The following TAF4B variants were observed in gnomAD, a reference collection of about 807,000 sequenced individuals.
TAF4B encodes TATA-box binding protein associated factor 4b, also known as transcription initiation factor TFIID subunit 4B.
TAF4B carries 38 observed loss-of-function variants against 86.4 expected under a neutral mutation model. That is an observed-to-expected ratio of 0.44 (90% confidence interval 0.34 to 0.58). The LOEUF (loss-of-function observed/expected upper bound fraction) is 0.58. TAF4B is among the 20% of genes least tolerant of loss of function. TAF4B has a pLI of 0.02. For synonymous variants in TAF4B, 388 were observed against 391.2 expected, an observed-to-expected ratio of 0.99 and a Z score of 0.10; for missense variants, 988 against 1,027.6, an observed-to-expected ratio of 0.96 and a Z score of 0.53.
At chr18:26,309,514 T>C (rs1021973831) in intron 9 of TAF4B, among the ~76,000 whole-genome samples, 1 of 151,990 alleles carries the variant, frequency 6.6e-6, no homozygotes, top group Non-Finnish European at 1.5e-5. Context: ...GAGTAACAGA[T>C]CCCATTCAAA....
intron 1 of TAF4B, chr18:26,255,603 C>CACAAAAAAAA (rs2056070892): frequency 2.7e-6 from 1 of 369,942 alleles, no homozygotes. Context: ...ACTCTGTCTC[C>CACAAAAAAAA]AAAAAAAAAA....
At chr18:26,374,545 C>CAGGT (rs2057429725) in intron 14 of TAF4B, among the ~76,000 whole-genome samples, 1 of 152,178 alleles carries the variant, frequency 6.6e-6, no homozygotes, top group African/African-American at 2.4e-5. Flanking sequence ...AAGTATCAGT[C>CAGGT]AGGTCTTAGA....
chr18:26,354,691 G>A (rs1314216444), intron 13 of TAF4B, among the ~76,000 whole-genome samples: 1 of 152,128 alleles, frequency 6.6e-6, no homozygotes, highest in Non-Finnish European at 1.5e-5. Flanking sequence ...TTCTAACCTG[G>A]CCAAAAATCA....
chr18:26,253,335 TC>T (rs2056033976), intron 1 of TAF4B, among the ~76,000 whole-genome samples: 1 of 152,196 alleles, frequency 6.6e-6, no homozygotes, highest in Non-Finnish European at 1.5e-5. Context: ...GTTGAGATGA[TC>T]ATGTGTTTTT....
chr18:26,372,435 T>G (rs188859791), intron 14 of TAF4B, among the ~76,000 whole-genome samples: 39 of 152,314 alleles, frequency 2.6e-4, no homozygotes, highest in African/African-American at 8.2e-4. Context: ...TCCCTGACTT[T>G]TGGTATGCAG....
At chr18:26,307,146 G>A (rs571009553) in intron 9 of TAF4B, among the ~76,000 whole-genome samples, 9 of 152,094 alleles carry the variant, frequency 5.9e-5, no homozygotes, top group Non-Finnish European at 1.0e-4. Flanking sequence ...TGGCTCTTTT[G>A]TTAAATAAGA....
chr18:26,380,119 C>T (rs993601659), intron 14 of TAF4B, among the ~76,000 whole-genome samples: 3 of 152,034 alleles, frequency 2.0e-5, no homozygotes, highest in Non-Finnish European at 2.9e-5. Context: ...GTACTTCTTC[C>T]TTTCCAATCT....
intron 12 of TAF4B, among the ~76,000 whole-genome samples, chr18:26,330,619 G>T (rs552408292): frequency 6.6e-6 from 1 of 152,184 alleles, no homozygotes; most frequent in East Asian, 1.9e-4. Flanking sequence ...ATGTGTATAT[G>T]TACACGTTTA....
chr18:26,236,052 C>T (rs985046365), intron 1 of TAF4B, among the ~76,000 whole-genome samples: 3 of 152,196 alleles, frequency 2.0e-5, no homozygotes, highest in Non-Finnish European at 4.4e-5. Context: ...CTGATTTGGA[C>T]TGAGTGGGCA....
intron 1 of TAF4B, among the ~76,000 whole-genome samples, chr18:26,229,502 T>C (rs1434773117): frequency 6.7e-6 from 1 of 150,122 alleles, no homozygotes; most frequent in African/African-American, 2.4e-5. Context: ...TTCTTTTTTT[T>C]TTTTTTTTTT....
At chr18:26,365,913 C>T (rs988594485) in intron 14 of TAF4B, among the ~76,000 whole-genome samples, 4 of 152,160 alleles carry the variant, frequency 2.6e-5, no homozygotes, top group African/African-American at 9.7e-5. Flanking sequence ...CCTCAGCCTC[C>T]TGAGTAACTG....
chr18:26,323,459 A>G (rs77002587), intron 11 of TAF4B, among the ~76,000 whole-genome samples: 12,356 of 151,798 alleles, frequency 0.081, 618 homozygotes, highest in Non-Finnish European at 0.11. Context: ...TCCCACCTCA[A>G]GCCACCCTCC....
In TAF4B at chr18:26,389,837, A is replaced by G; in HGVS notation, c.2422-8A>G. On this transcript the variant is annotated splice_region_variant and splice_polypyrimidine_tract_variant and intron_variant, in intron 14 of 14. Coordinates refer to ENST00000269142, the MANE Select transcript of TAF4B (RefSeq NM_005640.3). ...ATTTCAAATTGCTTTTCCTTTTATT[A>G]TTTTTAGGGCTTAAAAGACAACCTT... is the stretch of plus-strand genomic sequence containing the variant. The G allele has an allele frequency of 6.3e-7, 1 of 1,598,890 alleles. No homozygotes were observed. Among genetic ancestry groups the G allele is most frequent in the Non-Finnish European group, 8.5e-7 (1 of 1,175,594 alleles).
chr18:26,316,687 C>T (rs2056915507), intron 10 of TAF4B, among the ~76,000 whole-genome samples: 1 of 152,132 alleles, frequency 6.6e-6, no homozygotes, highest in Non-Finnish European at 1.5e-5. Flanking sequence ...GCCTGGCTTA[C>T]ATTTCTAATT....
intron 9 of TAF4B, chr18:26,295,315 G>T (rs950463735): frequency 4.2e-5 from 10 of 237,730 alleles, no homozygotes; most frequent in Non-Finnish European, 6.8e-5. Flanking sequence ...AGGCTCACAG[G>T]TATAGAATTC....
intron 1 of TAF4B, chr18:26,255,609 A>AAAAAAAAAG: frequency 1.3e-6 from 1 of 767,612 alleles, no homozygotes; most frequent in South Asian, 1.9e-5. Flanking sequence ...TCTCCAAAAA[A>AAAAAAAAAG]AAAAAAAAAG....
chr18:26,360,931 A>C (rs1441629842), intron 14 of TAF4B, among the ~76,000 whole-genome samples: 1 of 152,198 alleles, frequency 6.6e-6, no homozygotes, highest in Non-Finnish European at 1.5e-5. Context: ...AGTGTGACTA[A>C]AATAAATTTT....
intron 13 of TAF4B, among the ~76,000 whole-genome samples, chr18:26,347,515 A>C: frequency 6.6e-6 from 1 of 152,230 alleles, no homozygotes; most frequent in Non-Finnish European, 1.5e-5. Flanking sequence ...AGAAAGGAAC[A>C]ATGAATATAG....
chr18:26,242,540 T>G (rs1466320142), intron 1 of TAF4B, among the ~76,000 whole-genome samples: 2 of 152,186 alleles, frequency 1.3e-5, no homozygotes, highest in African/African-American at 4.8e-5. Flanking sequence ...CTTTATCCAG[T>G]TTGCCAGTCT....
Sources: allele counts gnomAD v4.1 joint callset (sites outside exome capture counted in the v4.1 genomes callset), GRCh38; gene constraint gnomAD v4.1.1; transcripts MANE v1.5; gene names NCBI Gene and HGNC (gene_info 2026-07-23, HGNC 2026-07-21).